MEGF6: variants seen among roughly 807,000 people sequenced by gnomAD.
MEGF6 encodes multiple epidermal growth factor-like domains protein 6.
A neutral mutation model predicts 207.1 loss-of-function variants in MEGF6; 184 were observed. The ratio of observed to expected loss-of-function variants is 0.89; its 90% confidence interval spans 0.79 to 1.00. The LOEUF (loss-of-function observed/expected upper bound fraction) is 1.00. Among genes scored for constraint, MEGF6 ranks in the 50% least tolerant of loss-of-function variants. MEGF6 has a pLI of 0.00. For synonymous variants in MEGF6, 1,038 were observed against 910.0 expected, an observed-to-expected ratio of 1.14 and a Z score of -2.53; for missense variants, 2,282 against 2,202.9, an observed-to-expected ratio of 1.04 and a Z score of -0.72.
At chr1:3,618,928 A>G in the MEGF6 span, among the ~76,000 whole-genome samples, 4 of 152,340 alleles carry the variant, frequency 2.6e-5, no homozygotes, top group South Asian at 8.3e-4. This position sits in a 1 kb window ranked among gnomAD's most constrained non-coding sequence, Gnocchi z 4.7. Flanking sequence ...CGGCACCTAG[A>G]GGACACAAAC....
chr1:3,513,030 C>A (rs1641409446), intron 7 of MEGF6, among the ~76,000 whole-genome samples: 1 of 152,084 alleles, frequency 6.6e-6, no homozygotes, highest in Non-Finnish European at 1.5e-5. Context: ...GCAGAGGGGG[C>A]AGCGGTGTGT....
Position 3,494,162 on chromosome 1 carries a change from G to A in MEGF6, c.4130-38C>T, listed in dbSNP as rs371934927. The A allele has an allele frequency of 7.9e-6, 12 of 1,526,914 alleles. No individual in the cohort carries two copies. In the African/African-American group the frequency reaches 1.2e-4, roughly 16 times the overall value. The allele number at this position is 1,526,914 out of a possible 1,614,324, so 94.6% of individuals were successfully genotyped here. On this transcript the variant is annotated intron_variant, in intron 32 of 36. Transcript: ENST00000356575. Reference sequence around the variant, plus strand: ...GGTTACCACGAGACAAGGGCACACGGTGGCAGAAATGTCCAGTTTGCCCAG... The same window carrying A: ...GGTTACCACGAGACAAGGGCACACGATGGCAGAAATGTCCAGTTTGCCCAG...
intron 17 of MEGF6, 29 bp downstream of exon 17, chr1:3,505,179 G>A (rs1641054962): frequency 6.8e-6 from 11 of 1,606,358 alleles, no homozygotes; most frequent in Non-Finnish European, 9.3e-6. Flanking sequence ...CAATGAGACT[G>A]CCGGGAGCCC....
In MEGF6 at chr1:3,509,858, C is replaced by T. The variant is rs545381125; in HGVS notation, c.1357+12G>A. On this transcript the variant is annotated intron_variant, in intron 11 of 36. Transcript: ENST00000356575. Reference sequence around the variant, plus strand: ...GCAGAGGCCGGTGCTCCGCGGAGGGCGGGAGACTCACGGCTGCAGCCCCTA... The same window carrying T: ...GCAGAGGCCGGTGCTCCGCGGAGGGTGGGAGACTCACGGCTGCAGCCCCTA... 2.1e-5 allele frequency: 32 copies of T among 1,549,346 alleles called. No individual in the cohort carries two copies. In the African/African-American group the frequency reaches 2.3e-4, roughly 11 times the overall value.
At position 3,496,988 on chromosome 1, in the gene MEGF6, G is replaced by A. The variant is rs746240571; in HGVS notation, c.3613C>T (p.Arg1205Ter). ...AGYHGPSCQQ[R>*]CPPGRYGPGC... ...CTGGGTGGGCACGGGCAGCACTCAC[G>A]TTGCTGGCAGCTGGGGCCGTGGTAG... The change falls in exon 28 of 37, where the codon CGA becomes TGA. Residue 1205 changes from arginine to a stop codon, truncating the protein, a stop_gained and splice_region_variant. Coordinates refer to ENST00000356575, the MANE Select transcript of MEGF6 (RefSeq NM_001409.4). LOFTEE classifies it high-confidence loss of function. 75 of 1,549,092 alleles carry A rather than the reference G, an allele frequency of 4.8e-5. No homozygotes were observed. The highest frequency in any genetic ancestry group is 1.7e-4 in the Middle Eastern group (1 of 5,840).
At chr1:3,604,424 C>T (rs1644211168) in intron 1 of MEGF6, among the ~76,000 whole-genome samples, 1 of 152,222 alleles carries the variant, frequency 6.6e-6, no homozygotes, top group Non-Finnish European at 1.5e-5. Context: ...GCAGCTGCAG[C>T]CGAGAAGCCT....
intron 18 of MEGF6, 70 bp from the exon 19 acceptor site, chr1:3,501,378 C>G: frequency 1.3e-6 from 2 of 1,516,668 alleles, no homozygotes; most frequent in South Asian, 1.2e-5. Context: ...TAACATGGCA[C>G]GATGCCCCTG....
At chr1:3,575,629 C>CTT (rs1444765466) in intron 4 of MEGF6, among the ~76,000 whole-genome samples, 1 of 59,464 alleles carries the variant, frequency 1.7e-5, no homozygotes, top group African/African-American at 5.7e-5. Flanking sequence ...AGGAGCAAGT[C>CTT]ACATCTTACA....
intron 35 of MEGF6, among the ~76,000 whole-genome samples, chr1:3,491,469 C>T (rs1311855561): frequency 1.3e-5 from 2 of 148,940 alleles, no homozygotes; most frequent in Admixed American, 1.3e-4. Context: ...CCTCTCCTCG[C>T]CCCGCCCCGC....
At chr1:3,614,019 C>T (rs1049257959), upstream of MEGF6, among the ~76,000 whole-genome samples, 2 of 152,230 alleles carry the variant, frequency 1.3e-5, no homozygotes, top group Non-Finnish European at 2.9e-5. Flanking sequence ...CTGGAAATCC[C>T]TGCGGTCAGG....
At chr1:3,542,796 G>A (rs565931256) in intron 4 of MEGF6, among the ~76,000 whole-genome samples, 4 of 152,298 alleles carry the variant, frequency 2.6e-5, no homozygotes, top group Admixed American at 6.5e-5. Flanking sequence ...CCTGGCCCTC[G>A]CTGACACCAA....
chr1:3,600,248 CA>C (rs1352451064), intron 2 of MEGF6, among the ~76,000 whole-genome samples: 2 of 152,180 alleles, frequency 1.3e-5, no homozygotes, highest in Non-Finnish European at 2.9e-5. Context: ...TGAGCCCAGC[CA>C]CACATACCCA....
At position 3,494,096 on chromosome 1, in the gene MEGF6, GCCAGC is replaced by G; in HGVS notation, c.4153_4157del (p.Ala1385LeufsTer32). The G allele has an allele frequency of 6.3e-7, 1 of 1,584,698 alleles. No individual in the cohort carries two copies. Among genetic ancestry groups the G allele is most frequent in the Non-Finnish European group, 8.6e-7 (1 of 1,163,894 alleles). ...GTTGACACCAGCACAACCCCTGGCA[GCCAGC>G]CCCGTGGAAGCCAGGGGGACAGGCT... is the stretch of plus-strand genomic sequence containing the variant. On this transcript the variant is annotated frameshift_variant, in exon 33 of 37. Transcript: ENST00000356575. LOFTEE classifies it high-confidence loss of function.
At chr1:3,617,275 G>A in the MEGF6 span, among the ~76,000 whole-genome samples, 13 of 152,250 alleles carry the variant, frequency 8.5e-5, no homozygotes, top group Middle Eastern at 3.4e-3. Flanking sequence ...ACCTACTCCC[G>A]CCACCATGCT....
chr1:3,505,181 C>A, intron 17 of MEGF6, 27 bp downstream of exon 17: 1 of 1,607,220 alleles, frequency 6.2e-7, no homozygotes. Context: ...ATGAGACTGC[C>A]GGGAGCCCCA....
intron 4 of MEGF6, among the ~76,000 whole-genome samples, chr1:3,526,742 G>T (rs747090005): frequency 6.6e-6 from 1 of 152,096 alleles, no homozygotes; most frequent in African/African-American, 2.4e-5. Context: ...CCCTGCAGCC[G>T]GGTTCACAGA....
intron 3 of MEGF6, among the ~76,000 whole-genome samples, chr1:3,584,679 C>T (rs1401115576): frequency 6.6e-6 from 1 of 152,232 alleles, no homozygotes; most frequent in Non-Finnish European, 1.5e-5. Flanking sequence ...CAGAAACCTC[C>T]AGGGGACAGG....
Position 3,496,002 on chromosome 1 carries a change from G to C in MEGF6, c.3759C>G (p.Arg1253=). ...ACACGTGGGTGCAGTTGGGGCCGAAGCGGCCCTGCGGACAGGCTGCCGGGG... is the reference window on the plus strand; with the variant it reads ...ACACGTGGGTGCAGTTGGGGCCGAACCGGCCCTGCGGACAGGCTGCCGGGG... The part of the protein sequence containing the change: ...TDCNLTCPQG[R]FGPNCTHVCG... Residue 1253 remains arginine, a synonymous_variant, in exon 30 of 37, where the codon CGC becomes CGG. Coordinates refer to ENST00000356575, the MANE Select transcript of MEGF6 (RefSeq NM_001409.4). 6.5e-7 allele frequency: 1 copy of C among 1,535,472 alleles called. No individual in the cohort carries two copies. Among genetic ancestry groups the C allele is most frequent in the Non-Finnish European group, 8.7e-7 (1 of 1,148,510 alleles).
At chr1:3,504,754 C>T (rs1469232507) in intron 17 of MEGF6, among the ~76,000 whole-genome samples, 1 of 152,196 alleles carries the variant, frequency 6.6e-6, no homozygotes, top group East Asian at 1.9e-4. Flanking sequence ...CGTGCAGGGG[C>T]CTGCAGCCAC....
Sources: allele counts gnomAD v4.1 joint callset (sites outside exome capture counted in the v4.1 genomes callset), GRCh38; gene constraint gnomAD v4.1.1; non-coding constraint Gnocchi (gnomAD v3.1); transcripts MANE v1.5; gene names NCBI Gene and HGNC (gene_info 2026-07-23, HGNC 2026-07-21).